The following BCL2L14 variants were observed in gnomAD, a reference collection of about 807,000 sequenced individuals.
The protein encoded by BCL2L14 is apoptosis facilitator Bcl-2-like protein 14.
A neutral mutation model predicts 35.3 loss-of-function variants in BCL2L14; 27 were observed. That is an observed-to-expected ratio of 0.76 (90% CI 0.56 to 1.05). The LOEUF is 1.05. BCL2L14 is among the 50% of genes least tolerant of loss of function. BCL2L14 has a pLI of 0.00. For synonymous variants in BCL2L14, 139 were observed against 145.9 expected (o/e 0.95, Z 0.34); for missense variants, 377 against 382.6 (o/e 0.99, Z 0.12).
At chr12:12,059,758 A>G (rs1037634492) in intron 2 of BCL2L14, among the ~76,000 whole-genome samples, 2 of 152,000 alleles carry the variant, frequency 1.3e-5, no homozygotes, top group East Asian at 3.9e-4. Context: ...CTGACCTAAA[A>G]TCTAAGTGTC....
Position 12,079,697 on chromosome 12 carries a change from C to A in BCL2L14, c.392C>A (p.Ser131Tyr). 1 of 1,614,140 alleles carries A rather than the reference C, an allele frequency of 6.2e-7. No homozygotes were observed. The highest frequency in any genetic ancestry group is 1.1e-5 in the South Asian group (1 of 91,050). ...EYQDSHSQQW[S>Y]RCLSNVEQCL... ...CAAGATTCGCACAGCCAGCAGTGGT[C>A]CAGGTGTCTTTCTAACGTGGAGCAG... The change falls in exon 2 of 6, where the codon TCC (serine) becomes TAC (tyrosine). Residue 131 changes from serine (S) to tyrosine (Y), a missense_variant. Coordinates refer to ENST00000308721, the MANE Select transcript of BCL2L14 (RefSeq NM_138723.2).
intron 1 of BCL2L14, chr12:12,072,099 C>T (rs139385540): frequency 7.9e-5 from 12 of 152,420 alleles, no homozygotes; most frequent in East Asian, 5.8e-4. Flanking sequence ...CACCCCTCAC[C>T]GCTGGGACAG....
At chr12:12,087,486 T>G (rs943238998) in intron 3 of BCL2L14, 100 bp downstream of exon 3, 3 of 1,321,006 alleles carry the variant, frequency 2.3e-6, no homozygotes, top group Non-Finnish European at 3.2e-6. Flanking sequence ...CAGTCTCCGC[T>G]GCCTGGACTG....
chr12:12,056,784 C>A (rs148989110), intron 2 of BCL2L14, among the ~76,000 whole-genome samples: 18 of 152,060 alleles, frequency 1.2e-4, no homozygotes, highest in Admixed American at 9.8e-4. Context: ...TGCAGTGAGC[C>A]GAGATTGCGC....
At chr12:12,060,814 G>A (rs528951868) in intron 2 of BCL2L14, among the ~76,000 whole-genome samples, 3 of 131,094 alleles carry the variant, frequency 2.3e-5, no homozygotes, top group African/African-American at 2.9e-5. Context: ...AACTCTGGCC[G>A]AAGGCTCTCT....
chr12:12,097,041 G>A (rs925535367), intron 5 of BCL2L14, among the ~76,000 whole-genome samples: 9 of 152,142 alleles, frequency 5.9e-5, no homozygotes, highest in African/African-American at 1.9e-4. Flanking sequence ...CTACTCAGGG[G>A]GGCTGAGGTA....
At chr12:12,098,845 T>G in intron 5 of BCL2L14, 105 bp from the exon 6 acceptor site, 1 of 822,980 alleles carries the variant, frequency 1.2e-6, no homozygotes, top group Non-Finnish European at 2.1e-6. Flanking sequence ...CATGGTCTCC[T>G]GAGCCTCGGG....
chr12:12,077,766 T>G (rs1948816271), intron 1 of BCL2L14: 1 of 208,742 alleles, frequency 4.8e-6, no homozygotes, highest in Admixed American at 5.1e-5. Flanking sequence ...GTCACTGGCA[T>G]GGCCACAATC....
chr12:12,080,897 A>C (rs901687989), intron 2 of BCL2L14, among the ~76,000 whole-genome samples: 3 of 152,000 alleles, frequency 2.0e-5, no homozygotes, highest in Non-Finnish European at 2.9e-5. Context: ...TTAATGAAAC[A>C]TTTTCACCAG....
chr12:12,057,537 C>T (rs1158488351), intron 2 of BCL2L14, among the ~76,000 whole-genome samples: 1 of 152,082 alleles, frequency 6.6e-6, no homozygotes, highest in Non-Finnish European at 1.5e-5. Flanking sequence ...GCGGGTGGAT[C>T]ACCTGAGGTC....
chr12:12,070,722 T>G (rs1948656654), upstream of BCL2L14, among the ~76,000 whole-genome samples: 1 of 151,944 alleles, frequency 6.6e-6, no homozygotes, highest in Admixed American at 6.6e-5. Flanking sequence ...CTGTACCATG[T>G]TAGGCGGTCA....
chr12:12,096,120 A>G (rs11054684), intron 5 of BCL2L14: 21,578 of 985,228 alleles, frequency 0.022, 602 homozygotes, highest in African/African-American at 0.13. Flanking sequence ...CACAGTCTCT[A>G]ATCTCCAGCA....
rs762400796 is a variant in BCL2L14, at chr12:12,079,331, T to C, written c.26T>C (p.Leu9Pro). 3.7e-6 allele frequency: 6 copies of C among 1,614,060 alleles called. No homozygotes were observed. In the Admixed American group the frequency reaches 1.0e-4, roughly 27 times the overall value. ...ATGTGTAGCACCAGTGGGTGTGACCTGGAAGAAATCCCCCTAGATGATGAT... is the reference window on the plus strand; with the variant it reads ...ATGTGTAGCACCAGTGGGTGTGACCCGGAAGAAATCCCCCTAGATGATGAT... MCSTSGCD[L>P]EEIPLDDDDL... Residue 9 changes from leucine (L) to proline (P), a missense_variant, in exon 2 of 6, where the codon CTG becomes CCG. Transcript: ENST00000308721.
At chr12:12,065,628 GAA>G in intron 2 of BCL2L14, among the ~76,000 whole-genome samples, 1 of 152,082 alleles carries the variant, frequency 6.6e-6, no homozygotes, top group East Asian at 1.9e-4. Context: ...AAGTAGATGG[GAA>G]AAGTAATGGA....
At position 12,099,137 on chromosome 12, in the gene BCL2L14, G is replaced by GGAGA; in HGVS notation, c.*151_*154dup. On this transcript the variant is annotated 3_prime_UTR_variant, in exon 6 of 6. Transcript: ENST00000308721. Reference sequence around the variant, plus strand: ...TATTCCTGTGACTGGAGAGGCATCAGGAGAGGTCTCGTTCGTCTCCAGCTC... The same window carrying GGAGA: ...TATTCCTGTGACTGGAGAGGCATCAGGAGAGAGAGGTCTCGTTCGTCTCCAGCTC... 1 of 634,840 alleles carries GGAGA rather than the reference G, an allele frequency of 1.6e-6. No homozygotes were observed. The highest frequency in any genetic ancestry group is 2.8e-5 in the East Asian group (1 of 36,244). The allele number at this position is 634,840 out of a possible 1,614,324, so 39.3% of individuals were successfully genotyped here.
intron 2 of BCL2L14, among the ~76,000 whole-genome samples, chr12:12,058,253 C>CTTTTTT: frequency 7.0e-6 from 1 of 143,632 alleles, no homozygotes; most frequent in South Asian, 2.2e-4. Context: ...TGCCCAGACT[C>CTTTTTT]TTTTTTTTTT....
At chr12:12,083,040 C>T (rs541038267) in intron 2 of BCL2L14, among the ~76,000 whole-genome samples, 62 of 152,318 alleles carry the variant, frequency 4.1e-4, no homozygotes, top group South Asian at 8.3e-4. Flanking sequence ...TCTCGGCTCA[C>T]TGCAACCTCT....
intron 2 of BCL2L14, among the ~76,000 whole-genome samples, chr12:12,064,303 AT>A (rs144660036): frequency 5.1e-5 from 7 of 138,180 alleles, no homozygotes; most frequent in East Asian, 4.1e-4. Flanking sequence ...AATTTTTTTG[AT>A]TTTTTTTTTC....
In BCL2L14 at chr12:12,079,661, C is replaced by A; in HGVS notation, c.356C>A (p.Thr119Lys). The change falls in exon 2 of 6, where the codon ACG becomes AAG. Residue 119 changes from threonine to lysine, a missense_variant. Transcript: ENST00000308721. ...AAGGTCTCTGCTCAGGGTCAAAGGA[C>A]GTTGGAATACCAAGATTCGCACAGC... is the stretch of plus-strand genomic sequence containing the variant. ...PAKVSAQGQRTLEYQDSHSQQ... is the reference protein window; with the variant it reads ...PAKVSAQGQRKLEYQDSHSQQ... 6.2e-7 allele frequency: 1 copy of A among 1,614,192 alleles called. No individual in the cohort carries two copies. The highest frequency in any genetic ancestry group is 8.5e-7 in the Non-Finnish European group (1 of 1,180,040).
Sources: allele counts gnomAD v4.1 joint callset (sites outside exome capture counted in the v4.1 genomes callset), GRCh38; gene constraint gnomAD v4.1.1; transcripts MANE v1.5; gene names NCBI Gene and HGNC (gene_info 2026-07-23, HGNC 2026-07-21).